WDR43: variants seen among roughly 807,000 people sequenced by gnomAD.
The protein encoded by WDR43 is WD repeat domain 43, also known as WD repeat-containing protein 43.
Under a neutral mutation model 91.4 loss-of-function variants are expected in WDR43, and 13 were observed. The ratio of observed to expected loss-of-function variants is 0.14; its 90% confidence interval spans 0.09 to 0.23. The LOEUF (loss-of-function observed/expected upper bound fraction) is 0.23. Among genes scored for constraint, WDR43 ranks in the 10% least tolerant of loss-of-function variants. WDR43 has a pLI of 1.00. For missense variants in WDR43, 780 were observed against 809.4 expected, an observed-to-expected ratio of 0.96 and a Z score of 0.44; for synonymous variants, 331 against 287.9, an observed-to-expected ratio of 1.15 and a Z score of -1.51.
intron 6 of WDR43, among the ~76,000 whole-genome samples, chr2:28,919,039 C>T (rs1054879606): frequency 7.2e-5 from 11 of 152,110 alleles, no homozygotes; most frequent in African/African-American, 2.7e-4. Flanking sequence ...TGGTGGATAA[C>T]TTGAGCCCAG....
chr2:28,902,186 T>C, intron 2 of WDR43, 62 bp downstream of exon 2: 1 of 1,484,942 alleles, frequency 6.7e-7, no homozygotes, highest in Non-Finnish European at 9.0e-7. Flanking sequence ...TTAGAGATTA[T>C]TAAAAAAAAA....
intron 2 of WDR43, among the ~76,000 whole-genome samples, chr2:28,904,651 C>T (rs1042472450): frequency 1.1e-4 from 17 of 152,158 alleles, no homozygotes; most frequent in African/African-American, 3.9e-4. Flanking sequence ...TAACTGAATT[C>T]TTTCTGTGGA....
rs1315816475 is a variant in WDR43 at position 28,894,672 on chromosome 2, C to T, written c.-27C>T. The stretch of plus-strand genomic sequence containing the variant: ...CGGTGCGCCTGCGCACGGACGAACA[C>T]GTGGCTGCAGCGGGGCCAGAGCAGC... On this transcript the variant is annotated 5_prime_UTR_variant, in exon 1 of 18. In the 5' UTR this introduces an upstream ATG that the reference lacks. Transcript: ENST00000407426. The T allele has an allele frequency of 4.6e-6, 7 of 1,529,172 alleles. No individual in the cohort carries two copies. The highest frequency in any genetic ancestry group is 5.3e-6 in the Non-Finnish European group (6 of 1,134,960). 94.7% of individuals were successfully genotyped at this position (1,529,172 alleles called of 1,614,324 possible). A position where few individuals can be genotyped will look rare whatever the true frequency, so the allele number is the denominator to read the frequency against.
intron 11 of WDR43, among the ~76,000 whole-genome samples, chr2:28,932,203 G>A (rs1041747189): frequency 7.9e-5 from 12 of 151,878 alleles, no homozygotes; most frequent in East Asian, 1.9e-4. Context: ...ATCGATTGTC[G>A]CCCAGGCTGG....
chr2:28,913,078 C>G (rs560192613), intron 4 of WDR43, among the ~76,000 whole-genome samples: 2 of 151,282 alleles, frequency 1.3e-5, no homozygotes, highest in East Asian at 3.9e-4. Flanking sequence ...CTCAGCCTCC[C>G]GAGTAGCTGG....
chr2:28,941,062 A>C (rs1474106095), intron 14 of WDR43, among the ~76,000 whole-genome samples: 5 of 152,186 alleles, frequency 3.3e-5, no homozygotes, highest in Non-Finnish European at 5.9e-5. Context: ...AGGGTAGATA[A>C]TATGCTAGCA....
At chr2:28,914,712 C>T (rs748280697) in intron 5 of WDR43, among the ~76,000 whole-genome samples, 6 of 152,248 alleles carry the variant, frequency 3.9e-5, no homozygotes, top group South Asian at 2.1e-4. Context: ...GGGCGGATCA[C>T]GAGGTGAAGA....
In WDR43 at chr2:28,948,086, A is replaced by G. The variant is rs916127012; in HGVS notation, c.*1307A>G. The G allele has an allele frequency of 1.3e-5, 2 of 152,180 alleles. No individual in the cohort carries two copies. The highest frequency in any genetic ancestry group is 4.8e-5 in the African/African-American group (2 of 41,438). The allele number at this position is 152,180 out of a possible 1,614,324, so 9.4% of individuals were successfully genotyped here. On this transcript the variant is annotated 3_prime_UTR_variant, in exon 18 of 18. Coordinates refer to ENST00000407426, the MANE Select transcript of WDR43 (RefSeq NM_015131.3). ...TGCTCATCTTAAGAGCCAGAGCCATATAAGCATCTTGGGAAAGCAAGTTTG... is the reference window on the plus strand; with the variant it reads ...TGCTCATCTTAAGAGCCAGAGCCATGTAAGCATCTTGGGAAAGCAAGTTTG...
intron 14 of WDR43, among the ~76,000 whole-genome samples, chr2:28,939,249 C>T (rs1017617156): frequency 2.0e-5 from 3 of 151,770 alleles, no homozygotes; most frequent in African/African-American, 7.3e-5. Context: ...GGCCGAGGGG[C>T]ATTGCAATTG....
intron 3 of WDR43, among the ~76,000 whole-genome samples, chr2:28,911,875 C>T (rs1299323065): frequency 6.6e-6 from 1 of 152,064 alleles, no homozygotes; most frequent in African/African-American, 2.4e-5. Flanking sequence ...CTGCCCACCT[C>T]AATCTCCCAA....
In WDR43 at chr2:28,929,571, T is replaced by C. The variant is rs1418858459; in HGVS notation, c.1306-8T>C. ...GGTAACACATTAACAATCCTTTCTG[T>C]TCTGTAGGTTAGCATTGAAGAACGT... On this transcript the variant is annotated splice_region_variant and splice_polypyrimidine_tract_variant and intron_variant, in intron 10 of 17. Transcript: ENST00000407426. 1.1e-5 allele frequency: 18 copies of C among 1,603,704 alleles called. No homozygotes were observed. Among genetic ancestry groups the C allele is most frequent in the Non-Finnish European group, 1.4e-5 (17 of 1,174,952 alleles).
At chr2:28,945,401 T>C (rs959899030) in intron 16 of WDR43, among the ~76,000 whole-genome samples, 1 of 152,222 alleles carries the variant, frequency 6.6e-6, no homozygotes. Context: ...TTTTGCATCA[T>C]GGGGTTGAAT....
intron 3 of WDR43, among the ~76,000 whole-genome samples, chr2:28,907,557 G>A (rs1410898692): frequency 6.6e-6 from 1 of 151,642 alleles, no homozygotes. Context: ...AGGCTGTAGT[G>A]AGCCATGATT....
chr2:28,908,198 A>G (rs1670720949), intron 3 of WDR43, among the ~76,000 whole-genome samples: 1 of 152,196 alleles, frequency 6.6e-6, no homozygotes, highest in African/African-American at 2.4e-5. Flanking sequence ...TGCATGGTAG[A>G]GGATAGAAAT....
intron 1 of WDR43, among the ~76,000 whole-genome samples, chr2:28,897,045 C>T (rs1041267084): frequency 6.6e-6 from 1 of 152,010 alleles, no homozygotes; most frequent in South Asian, 2.1e-4. Flanking sequence ...GGAGTGTGGC[C>T]TCTAGAGTCA....
intron 14 of WDR43, among the ~76,000 whole-genome samples, chr2:28,940,956 G>A (rs1020534926): frequency 6.6e-6 from 1 of 152,176 alleles, no homozygotes; most frequent in Non-Finnish European, 1.5e-5. Flanking sequence ...TTAACAGGAA[G>A]TATATTTAAA....
At chr2:28,937,200 T>G (rs1476275002) in intron 13 of WDR43, among the ~76,000 whole-genome samples, 1 of 152,200 alleles carries the variant, frequency 6.6e-6, no homozygotes, top group Non-Finnish European at 1.5e-5. Flanking sequence ...ATTTAATAAC[T>G]TAGTGTTGAT....
chr2:28,903,635 C>T (rs751647186), intron 2 of WDR43, among the ~76,000 whole-genome samples: 1 of 152,002 alleles, frequency 6.6e-6, no homozygotes, highest in African/African-American at 2.4e-5. Context: ...AGCATTCTTC[C>T]CTATATTCTT....
intron 16 of WDR43, among the ~76,000 whole-genome samples, chr2:28,944,195 C>A (rs1483688782): frequency 6.6e-6 from 1 of 152,188 alleles, no homozygotes; most frequent in African/African-American, 2.4e-5. Context: ...TAGTGCCATT[C>A]TACTTAGTAG....
Sources: allele counts gnomAD v4.1 joint callset (sites outside exome capture counted in the v4.1 genomes callset), GRCh38; gene constraint gnomAD v4.1.1; transcripts MANE v1.5; gene names NCBI Gene and HGNC (gene_info 2026-07-23, HGNC 2026-07-21).